Variants in WDR5 observed in about 807,000 individuals in gnomAD.
WDR5 encodes the protein WD repeat-containing protein 5.
For missense variants in WDR5, 187 were observed against 416.9 expected (o/e 0.45, Z 4.80); for synonymous variants, 144 against 161.6 (o/e 0.89, Z 0.83).
intron 7 of WDR5, among the ~76,000 whole-genome samples, chr9:134,146,546 A>G (rs1293025248): frequency 1.3e-5 from 2 of 151,660 alleles, no homozygotes; most frequent in African/African-American, 2.4e-5. Context: ...TCCCTTATCT[A>G]CCTCCTCGAA....
intron 8 of WDR5, among the ~76,000 whole-genome samples, chr9:134,150,369 A>G (rs1456571327): frequency 2.6e-5 from 4 of 152,250 alleles, no homozygotes; most frequent in Non-Finnish European, 5.9e-5. Flanking sequence ...GTAGGGGTCA[A>G]AAAGGCGCCT....
intron 13 of WDR5, 26 bp downstream of exon 13, chr9:134,156,619 C>G (rs972873631): frequency 6.2e-7 from 1 of 1,608,772 alleles, no homozygotes; most frequent in Middle Eastern, 1.7e-4. Context: ...CCTGCAGTCA[C>G]TGGCTGCCTG....
At chr9:134,140,851 T>C (rs769942204) in intron 3 of WDR5, 40 bp downstream of exon 3, 10 of 1,586,036 alleles carry the variant, frequency 6.3e-6, no homozygotes, top group Non-Finnish European at 7.8e-6. Flanking sequence ...GGAGAGGCGG[T>C]CTGAGCTGCA....
intron 7 of WDR5, among the ~76,000 whole-genome samples, chr9:134,147,036 C>A (rs1832245396): frequency 1.3e-5 from 2 of 152,022 alleles, no homozygotes; most frequent in African/African-American, 4.8e-5. Flanking sequence ...GTGTGAGGTA[C>A]CTGCAGATTT....
At chr9:134,154,001 T>G (rs1044130530) in intron 9 of WDR5, among the ~76,000 whole-genome samples, 5 of 152,182 alleles carry the variant, frequency 3.3e-5, no homozygotes, top group African/African-American at 1.2e-4. Flanking sequence ...GCCTGGGGCA[T>G]TAGCTGTGGA....
intron 6 of WDR5, 32 bp from the exon 7 acceptor site, chr9:134,142,604 T>C (rs777356318): frequency 1.9e-6 from 3 of 1,612,944 alleles, no homozygotes; most frequent in South Asian, 2.2e-5. Flanking sequence ...CTCTCCTTCC[T>C]GTAAAATCAC....
chr9:134,159,859 G>A lies in WDR5; in HGVS notation c.*1866G>A, dbSNP rs773477610. The A allele has an allele frequency of 6.6e-6, 1 of 152,210 alleles. No homozygotes were observed. Among genetic ancestry groups the A allele is most frequent in the Non-Finnish European group, 1.5e-5 (1 of 68,048 alleles). The allele number at this position is 152,210 out of a possible 1,614,324, so 9.4% of individuals were successfully genotyped here. ...CCACTCCGGGGAGGGGGTGTGCTGT[G>A]CTGAGCGCTGTATCCCTGAATATAG... is the stretch of plus-strand genomic sequence containing the variant. On this transcript the variant is annotated 3_prime_UTR_variant, in exon 14 of 14. Coordinates refer to ENST00000358625, the MANE Select transcript of WDR5 (RefSeq NM_017588.3). The surrounding 1 kb of genome is among the most constrained non-coding windows in gnomAD (Gnocchi z 4.3).
rs1469498328 is a variant in WDR5, at chr9:134,140,106, G to T, written c.81+148G>T. ...TTTACTGACCGCATATCTGGCGAAT[G>T]CTTGTTGCCTGCTGTGTCAGGGATC... On this transcript the variant is annotated intron_variant, in intron 2 of 13. Transcript: ENST00000358625. 3.2e-6 allele frequency: 3 copies of T among 933,520 alleles called. No individual in the cohort carries two copies. The African/African-American group carries it at 4.9e-5, about 15-fold the overall frequency. 57.8% of individuals were successfully genotyped at this position (933,520 alleles called of 1,614,324 possible). A position where few individuals can be genotyped will look rare whatever the true frequency, so the allele number is the denominator to read the frequency against.
At chr9:134,147,743 G>A (rs116393667) in intron 7 of WDR5, among the ~76,000 whole-genome samples, 2,831 of 152,256 alleles carry the variant, frequency 0.019, 94 homozygotes, top group African/African-American at 0.064. Context: ...TCCTTGGCTG[G>A]GTGCAGTGGC....
In WDR5 at chr9:134,137,361, C is replaced by T. The variant is rs1156954624; in HGVS notation, c.-59+1161C>T. 2.0e-5 allele frequency among the ~76,000 whole-genome samples: 3 copies of T among 152,110 alleles called. No individual in the cohort carries two copies. In the East Asian group the frequency reaches 5.8e-4, roughly 29 times the overall value. ...TTCCTGTTCTCTCAAAAGGATTGTTCCACAGAGACACCTGAGTGTTCATGA... is the reference window on the plus strand; with the variant it reads ...TTCCTGTTCTCTCAAAAGGATTGTTTCACAGAGACACCTGAGTGTTCATGA... On this transcript the variant is annotated intron_variant, in intron 1 of 13. Coordinates refer to ENST00000358625, the MANE Select transcript of WDR5 (RefSeq NM_017588.3).
At chr9:134,145,165 C>T (rs1190903875) in intron 7 of WDR5, among the ~76,000 whole-genome samples, 3 of 136,014 alleles carry the variant, frequency 2.2e-5, no homozygotes, top group Non-Finnish European at 4.6e-5. Flanking sequence ...GTGGTGCGAT[C>T]TTGGCCCACT....
intron 7 of WDR5, among the ~76,000 whole-genome samples, chr9:134,145,960 ATATT>A (rs1172723151): frequency 1.5e-5 from 2 of 136,612 alleles, no homozygotes; most frequent in African/African-American, 5.8e-5. Flanking sequence ...TTGTTTTTTA[ATATT>A]TATTTATTTA....
intron 9 of WDR5, among the ~76,000 whole-genome samples, chr9:134,152,422 C>T (rs367670430): frequency 5.9e-5 from 9 of 152,036 alleles, no homozygotes; most frequent in South Asian, 2.1e-4. Flanking sequence ...GGGGTGCTGC[C>T]GAGGTGGATG....
chr9:134,136,611 G>A (rs1168161781), intron 1 of WDR5, among the ~76,000 whole-genome samples: 1 of 152,124 alleles, frequency 6.6e-6, no homozygotes, highest in Non-Finnish European at 1.5e-5. Context: ...CCTCCTCGTA[G>A]AAACGCCCCC....
Position 134,142,324 on chromosome 9 carries a change from C to G in WDR5, c.355-9C>G. 1.9e-6 allele frequency: 3 copies of G among 1,612,482 alleles called. No individual in the cohort carries two copies. Among genetic ancestry groups the G allele is most frequent in the Non-Finnish European group, 2.5e-6 (3 of 1,178,856 alleles). ...GCACTGGAATAATCCTAATAATACTCTGTTATAGGGCAAGTGTCTGAAAAC... is the reference window on the plus strand; with the variant it reads ...GCACTGGAATAATCCTAATAATACTGTGTTATAGGGCAAGTGTCTGAAAAC... On this transcript the variant is annotated splice_polypyrimidine_tract_variant and intron_variant, in intron 5 of 13. Transcript: ENST00000358625.
At chr9:134,137,870 G>A (rs1225692353) in intron 1 of WDR5, among the ~76,000 whole-genome samples, 1 of 151,984 alleles carries the variant, frequency 6.6e-6, no homozygotes, top group East Asian at 1.9e-4. Flanking sequence ...AGCCTCCCGA[G>A]TAGCTGGGAT....
rs1419866698 is a variant in WDR5 at position 134,142,325 on chromosome 9, T to C, written c.355-8T>C. On this transcript the variant is annotated splice_region_variant and splice_polypyrimidine_tract_variant and intron_variant, in intron 5 of 13. Coordinates refer to ENST00000358625, the MANE Select transcript of WDR5 (RefSeq NM_017588.3). ...CACTGGAATAATCCTAATAATACTCTGTTATAGGGCAAGTGTCTGAAAACC... is the reference window on the plus strand; with the variant it reads ...CACTGGAATAATCCTAATAATACTCCGTTATAGGGCAAGTGTCTGAAAACC... 1 of 1,612,742 alleles carries C rather than the reference T, an allele frequency of 6.2e-7. No homozygotes were observed. Among genetic ancestry groups the C allele is most frequent in the South Asian group, 1.1e-5 (1 of 91,028 alleles).
Position 134,141,958 on chromosome 9 carries a change from G to A in WDR5, c.274G>A (p.Asp92Asn). The A allele has an allele frequency of 1.2e-6, 2 of 1,614,146 alleles. No individual in the cohort carries two copies. Among genetic ancestry groups the A allele is most frequent in the Non-Finnish European group, 1.7e-6 (2 of 1,180,028 alleles). ...GTTTTTTCTCCCCAAGGGAATATCC[G>A]ATGTAGCCTGGTCGTCAGATTCTAA... ...TISGHKLGIS[D>N]VAWSSDSNLL... is the part of the protein sequence containing the mutation. The change falls in exon 5 of 14, where the codon GAT becomes AAT. Residue 92 changes from aspartate to asparagine, a missense_variant. Transcript: ENST00000358625.
intron 7 of WDR5, among the ~76,000 whole-genome samples, chr9:134,143,267 G>A (rs993583695): frequency 6.6e-6 from 1 of 152,220 alleles, no homozygotes; most frequent in East Asian, 1.9e-4. Context: ...GAGGCCGGGC[G>A]TGGCGGCTCA....
Sources: gnomAD v4.1 joint callset for allele counts (sites outside exome capture counted in the v4.1 genomes callset) on GRCh38, gnomAD v4.1.1 for gene constraint, Gnocchi (gnomAD v3.1) non-coding constraint, MANE v1.5 for transcripts, NCBI Gene and HGNC (gene_info 2026-07-23, HGNC 2026-07-21) for gene names.